The following SV2C variants were observed in gnomAD, a reference collection of about 807,000 sequenced individuals.
SV2C encodes synaptic vesicle glycoprotein 2C.
Under a neutral mutation model 79.7 loss-of-function variants are expected in SV2C, and 49 were observed. The ratio of observed to expected loss-of-function variants is 0.61; its 90% confidence interval spans 0.49 to 0.78. SV2C has a LOEUF of 0.78. Ranked by LOEUF, SV2C falls within the 30% of genes least tolerant of loss-of-function variation. The probability of loss-of-function intolerance (pLI) is 0.00; values close to 1 mark genes in which losing one functional copy is unlikely to be tolerated. For synonymous variants in SV2C, 334 were observed against 333.2 expected (o/e 1.00, Z -0.03); for missense variants, 833 against 912.9 (o/e 0.91, Z 1.13).
intron 1 of SV2C, among the ~76,000 whole-genome samples, chr5:76,116,247 C>G (rs116662155): frequency 2.6e-5 from 4 of 152,198 alleles, no homozygotes; most frequent in Admixed American, 6.5e-5. Flanking sequence ...GTGGCACTCA[C>G]CACTACATGG....
the SV2C span, among the ~76,000 whole-genome samples, chr5:75,969,972 T>A: frequency 2.6e-5 from 4 of 152,064 alleles, no homozygotes; most frequent in East Asian, 7.7e-4. Flanking sequence ...TAACAAACTG[T>A]CTCTCAGACC....
chr5:76,061,931 C>A, the SV2C span, among the ~76,000 whole-genome samples: 4 of 145,296 alleles, frequency 2.8e-5, no homozygotes, highest in Admixed American at 6.9e-5. Context: ...ATTTTCTTTA[C>A]AGAGAATGAT....
rs775165202 is a variant in SV2C at position 76,285,282 on chromosome 5, G to C, written c.1034G>C (p.Arg345Pro). The change falls in exon 5 of 13, where the codon CGA becomes CCA. Residue 345 changes from arginine to proline, a missense_variant. By Grantham distance (103) the Arg-to-Pro change is moderately radical. Coordinates refer to ENST00000502798, the MANE Select transcript of SV2C (RefSeq NM_014979.4). ...VALTFMPESPRFLLEVGKHDE... is the reference protein window; with the variant it reads ...VALTFMPESPPFLLEVGKHDE... The stretch of plus-strand genomic sequence containing the variant: ...CTCACATTCATGCCTGAAAGCCCAC[G>C]ATTCTTGTTGGAGGTAACACTTATT... 3 of 1,614,106 alleles carry C rather than the reference G, an allele frequency of 1.9e-6. No homozygotes were observed. Among genetic ancestry groups the C allele is most frequent in the East Asian group, 4.5e-5 (2 of 44,874 alleles).
rs1169515832 is a variant in SV2C, at chr5:76,285,251, G to A, written c.1003G>A (p.Val335Met). The stretch of plus-strand genomic sequence containing the variant: ...TGCACTCCCCTGTGTCTCCTCCGTG[G>A]TGGCCCTCACATTCATGCCTGAAAG... ...VCALPCVSSV[V>M]ALTFMPESPR... Residue 335 changes from valine to methionine, a missense_variant, in exon 5 of 13, where the codon GTG becomes ATG. By Grantham distance (21) the Val-to-Met change is conservative. Coordinates refer to ENST00000502798, the MANE Select transcript of SV2C (RefSeq NM_014979.4). 1.9e-6 allele frequency: 3 copies of A among 1,614,060 alleles called. No individual in the cohort carries two copies. The highest frequency in any genetic ancestry group is 2.7e-5 in the African/African-American group (2 of 74,932).
chr5:76,192,485 T>C lies in SV2C; in HGVS notation c.581-2434T>C, dbSNP rs551684643. Among the ~76,000 whole-genome samples, 17 of 152,274 alleles carry C rather than the reference T, an allele frequency of 1.1e-4. No individual in the cohort carries two copies. In the Middle Eastern group the frequency reaches 0.01, roughly 91 times the overall value. On this transcript the variant is annotated intron_variant, in intron 2 of 12. Coordinates refer to ENST00000502798, the MANE Select transcript of SV2C (RefSeq NM_014979.4). The stretch of plus-strand genomic sequence containing the variant: ...GCACAGAGAGAGAGAAGGCTGGAGA[T>C]TGTCTAGAGCTTGATGTCTGCTCTG...
At chr5:76,135,992 C>T (rs1005705611) in intron 2 of SV2C, among the ~76,000 whole-genome samples, 1 of 152,196 alleles carries the variant, frequency 6.6e-6, no homozygotes, top group Non-Finnish European at 1.5e-5. Flanking sequence ...TTATTTCCTC[C>T]TAAGACCCAT....
intron 5 of SV2C, 95 bp downstream of exon 5, chr5:76,285,390 T>C (rs571593790): frequency 2.8e-4 from 422 of 1,515,672 alleles, no homozygotes; most frequent in Non-Finnish European, 3.7e-4. Flanking sequence ...ATTTGAGAGG[T>C]ACATTTTCCC....
chr5:75,908,688 C>G, the SV2C span, among the ~76,000 whole-genome samples: 1 of 152,160 alleles, frequency 6.6e-6, no homozygotes, highest in Non-Finnish European at 1.5e-5. Context: ...CCATGGACAT[C>G]TGGATTTGGT....
chr5:76,039,863 C>A, the SV2C span, among the ~76,000 whole-genome samples: 1 of 152,012 alleles, frequency 6.6e-6, no homozygotes, highest in African/African-American at 2.4e-5. Flanking sequence ...AGTCAATGCC[C>A]TTTCCATATG....
At chr5:75,974,507 G>C in the SV2C span, among the ~76,000 whole-genome samples, 1 of 151,968 alleles carries the variant, frequency 6.6e-6, no homozygotes, top group African/African-American at 2.4e-5. Flanking sequence ...ATTTGTCTCT[G>C]AATAACAGTC....
intron 12 of SV2C, among the ~76,000 whole-genome samples, chr5:76,307,954 T>C (rs1465629166): frequency 2.0e-5 from 3 of 152,228 alleles, no homozygotes; most frequent in African/African-American, 7.2e-5. Context: ...TAGTTGCTCA[T>C]TGAAGCCTTA....
chr5:75,848,088 C>T, the SV2C span, among the ~76,000 whole-genome samples: 14 of 152,194 alleles, frequency 9.2e-5, no homozygotes, highest in Non-Finnish European at 1.8e-4. Context: ...TATGGGGACA[C>T]AGAAGTTGTC....
At chr5:75,917,935 A>C in the SV2C span, among the ~76,000 whole-genome samples, 6,865 of 152,200 alleles carry the variant, frequency 0.045, 512 homozygotes, top group African/African-American at 0.15. Flanking sequence ...CCCCATAAAT[A>C]TTTATACCTA....
At chr5:76,311,117 G>C (rs1748421887) in intron 12 of SV2C, 1 of 152,264 alleles carries the variant, frequency 6.6e-6, no homozygotes, top group Non-Finnish European at 1.5e-5. Flanking sequence ...ACTCACCTCA[G>C]GTAGAGGCAA....
chr5:75,893,706 C>T, the SV2C span, among the ~76,000 whole-genome samples: 1 of 152,046 alleles, frequency 6.6e-6, no homozygotes, highest in South Asian at 2.1e-4. Context: ...ATAATATACC[C>T]ATGTAACAAA....
At chr5:76,337,936 C>G (rs1463789819), downstream of SV2C, among the ~76,000 whole-genome samples, 1 of 152,248 alleles carries the variant, frequency 6.6e-6, no homozygotes, top group Non-Finnish European at 1.5e-5. Flanking sequence ...AGCCTGTCCC[C>G]AGGGGAAGCT....
intron 3 of SV2C, among the ~76,000 whole-genome samples, chr5:76,207,930 TA>T (rs1407924471): frequency 6.6e-6 from 1 of 152,266 alleles, no homozygotes; most frequent in Non-Finnish European, 1.5e-5. Context: ...TGTATGAGTC[TA>T]ATACGGTGCA....
intron 2 of SV2C, among the ~76,000 whole-genome samples, chr5:76,181,960 C>A (rs1743746805): frequency 6.6e-6 from 1 of 152,198 alleles, no homozygotes; most frequent in Non-Finnish European, 1.5e-5. Context: ...TCATTCCCAC[C>A]AGACACCTAT....
chr5:76,053,247 C>G, the SV2C span, among the ~76,000 whole-genome samples: 1 of 152,140 alleles, frequency 6.6e-6, no homozygotes, highest in Admixed American at 6.6e-5. Flanking sequence ...CAGCTCAGCA[C>G]TTCAGGTTAC....
Sources: allele counts gnomAD v4.1 joint callset (sites outside exome capture counted in the v4.1 genomes callset), GRCh38; gene constraint gnomAD v4.1.1; transcripts MANE v1.5; gene names NCBI Gene and HGNC (gene_info 2026-07-23, HGNC 2026-07-21).